The following SESTD1 variants were observed in gnomAD, a reference collection of about 807,000 sequenced individuals.
SESTD1 encodes the protein SEC14 domain and spectrin repeat-containing protein 1.
A neutral mutation model predicts 101.7 loss-of-function variants in SESTD1; 43 were observed. The ratio of observed to expected loss-of-function variants is 0.42; its 90% confidence interval spans 0.33 to 0.55. SESTD1 has a LOEUF of 0.55. Ranked by LOEUF, SESTD1 falls within the 20% of genes least tolerant of loss-of-function variation. SESTD1 has a pLI of 0.07. For missense variants in SESTD1, 647 were observed against 815.1 expected, an observed-to-expected ratio of 0.79 and a Z score of 2.51; for synonymous variants, 283 against 286.8, an observed-to-expected ratio of 0.99 and a Z score of 0.13.
intron 7 of SESTD1, among the ~76,000 whole-genome samples, chr2:179,148,988 A>T (rs1449991792): frequency 7.4e-6 from 1 of 135,948 alleles, no homozygotes; most frequent in Non-Finnish European, 1.5e-5. Context: ...GGAACCCAGG[A>T]GGCGGAGCTT....
At chr2:179,145,851 A>G (rs1289245707) in intron 8 of SESTD1, among the ~76,000 whole-genome samples, 1 of 152,216 alleles carries the variant, frequency 6.6e-6, no homozygotes, top group Non-Finnish European at 1.5e-5. Context: ...AAAAATACAT[A>G]AACACAATGT....
At chr2:179,151,486 A>T (rs1458127887) in intron 5 of SESTD1, 95 bp from the exon 6 acceptor site, 2 of 700,084 alleles carry the variant, frequency 2.9e-6, no homozygotes, top group African/African-American at 3.7e-5. Context: ...AATATGCAAT[A>T]TTGTTTCCAA....
chr2:179,163,882 A>G (rs1314278491), intron 5 of SESTD1, among the ~76,000 whole-genome samples: 2 of 152,188 alleles, frequency 1.3e-5, no homozygotes, highest in African/African-American at 4.8e-5. Flanking sequence ...CAGAAAGATT[A>G]AAAACTTGTT....
rs6759918 is a variant in SESTD1 at position 179,170,251 on chromosome 2, A to T, written c.369+1869T>A. 2.2e-3 allele frequency among the ~76,000 whole-genome samples: 329 copies of T among 152,012 alleles called. 2 individuals carry two copies. Among genetic ancestry groups the T allele is most frequent in the African/African-American group, 7.5e-3 (311 of 41,516 alleles). The stretch of plus-strand genomic sequence containing the variant: ...TGAAAAAGAGGACTTCATCATAGTT[A>T]AAAAAATTTCTTGAAAACTGTTAAG... On this transcript the variant is annotated intron_variant, in intron 5 of 17. Coordinates refer to ENST00000428443, the MANE Select transcript of SESTD1 (RefSeq NM_178123.5).
At chr2:179,264,312 G>T (rs1471164098) in intron 1 of SESTD1, 187 bp downstream of exon 1, 1 of 151,858 alleles carries the variant, frequency 6.6e-6, no homozygotes, top group Non-Finnish European at 1.5e-5. Flanking sequence ...GGCGTTGGGA[G>T]CAGAGGCGGT....
intron 13 of SESTD1, 48 bp downstream of exon 13, chr2:179,121,722 T>C: frequency 6.8e-7 from 1 of 1,467,762 alleles, no homozygotes. Context: ...TCATTTTAAC[T>C]AATATTGTTA....
intron 12 of SESTD1, among the ~76,000 whole-genome samples, chr2:179,122,380 G>A (rs751166271): frequency 6.6e-6 from 1 of 152,154 alleles, no homozygotes; most frequent in Non-Finnish European, 1.5e-5. Context: ...TATCATCAAT[G>A]TCAAAGGATG....
rs1285603594 is a variant in SESTD1, at chr2:179,103,315, AAT to A, written c.*6582_*6583del. 2 of 152,154 alleles carry A rather than the reference AAT, an allele frequency of 1.3e-5. No individual in the cohort carries two copies. The highest frequency in any genetic ancestry group is 4.8e-5 in the African/African-American group (2 of 41,438). 9.4% of individuals were successfully genotyped at this position (152,154 alleles called of 1,614,324 possible). A position where few individuals can be genotyped will look rare whatever the true frequency, so the allele number is the denominator to read the frequency against. On this transcript the variant is annotated 3_prime_UTR_variant, in exon 18 of 18. Transcript: ENST00000428443. ...CTAATACTTCAATATGGATCATAAA[AAT>A]AGTTTACACCTTTATGCACATCAAA...
At chr2:179,148,342 T>C (rs1436674201) in intron 7 of SESTD1, among the ~76,000 whole-genome samples, 2 of 152,214 alleles carry the variant, frequency 1.3e-5, no homozygotes, top group Non-Finnish European at 1.5e-5. Flanking sequence ...GTGGCCTGAA[T>C]AGTTAATTTG....
At chr2:179,155,752 T>G (rs544896691) in intron 5 of SESTD1, among the ~76,000 whole-genome samples, 26 of 152,240 alleles carry the variant, frequency 1.7e-4, no homozygotes, top group Admixed American at 3.3e-4. Context: ...ATTTTTAATT[T>G]TCCATAGGTT....
chr2:179,255,336 T>C (rs1044535336), intron 1 of SESTD1, among the ~76,000 whole-genome samples: 2 of 152,158 alleles, frequency 1.3e-5, no homozygotes, highest in Non-Finnish European at 2.9e-5. Context: ...AAGCTGTAAA[T>C]GCAAAGGAAA....
chr2:179,149,445 T>A (rs760625912), intron 6 of SESTD1, 51 bp from the exon 7 acceptor site: 1 of 1,240,238 alleles, frequency 8.1e-7, no homozygotes, highest in South Asian at 1.4e-5. Context: ...AAAATTAATA[T>A]GTAATAAGGA....
intron 1 of SESTD1, among the ~76,000 whole-genome samples, chr2:179,213,697 C>T (rs2105519572): frequency 7.4e-6 from 1 of 135,038 alleles, no homozygotes; most frequent in African/African-American, 2.9e-5. Flanking sequence ...ACATAACTGT[C>T]AGATTCACCA....
chr2:179,210,873 C>A (rs149157948), intron 1 of SESTD1, among the ~76,000 whole-genome samples: 1 of 133,954 alleles, frequency 7.5e-6, no homozygotes, highest in African/African-American at 3.0e-5. Flanking sequence ...GCATCTAAAT[C>A]GGTAAAGAAG....
intron 1 of SESTD1, among the ~76,000 whole-genome samples, chr2:179,193,444 T>C (rs978077298): frequency 2.0e-5 from 3 of 152,208 alleles, no homozygotes; most frequent in Non-Finnish European, 4.4e-5. Context: ...CTAGTAGCAC[T>C]TCATGATGAG....
rs2044357573 is a variant in SESTD1 at position 179,105,315 on chromosome 2, TTA to T, written c.*4582_*4583del. 6.6e-6 allele frequency: 1 copy of T among 152,070 alleles called. No homozygotes were observed. The highest frequency in any genetic ancestry group is 2.1e-4 in the South Asian group (1 of 4,824). The allele number at this position is 152,070 out of a possible 1,614,324, so 9.4% of individuals were successfully genotyped here. ...CTTTTACTTGTGTCTATTAACAGGG[TTA>T]TGTCACACCTTGTCAACCTCAAAAC... On this transcript the variant is annotated 3_prime_UTR_variant, in exon 18 of 18. Coordinates refer to ENST00000428443, the MANE Select transcript of SESTD1 (RefSeq NM_178123.5).
chr2:179,263,415 G>C (rs1047747181), intron 1 of SESTD1, among the ~76,000 whole-genome samples: 1 of 152,142 alleles, frequency 6.6e-6, no homozygotes, highest in African/African-American at 2.4e-5. Context: ...GATTTAGCCA[G>C]CCAAAACAGA....
chr2:179,191,988 A>C, intron 1 of SESTD1, 122 bp from the exon 2 acceptor site: 1 of 695,358 alleles, frequency 1.4e-6, no homozygotes, highest in Non-Finnish European at 2.5e-6. Flanking sequence ...GAGCAAGATA[A>C]TTCTTTTTTT....
chr2:179,180,706 T>TG (rs1215534939), intron 3 of SESTD1, among the ~76,000 whole-genome samples: 1 of 152,140 alleles, frequency 6.6e-6, no homozygotes, highest in Admixed American at 6.6e-5. Context: ...AATAAAATGT[T>TG]GGGGGGTTAC....
Sources: gnomAD v4.1 joint callset for allele counts (sites outside exome capture counted in the v4.1 genomes callset) on GRCh38, gnomAD v4.1.1 for gene constraint, MANE v1.5 for transcripts, NCBI Gene and HGNC (gene_info 2026-07-23, HGNC 2026-07-21) for gene names.